SH3BGRL: variants seen among roughly 807,000 people sequenced by gnomAD.
SH3BGRL encodes adapter SH3BGRL.
SH3BGRL carries 7 observed loss-of-function variants against 9.8 expected under a neutral mutation model. The observed-to-expected ratio is 0.72, with a 90% CI of 0.41 to 1.35. The LOEUF is 1.35. Ranked by LOEUF, SH3BGRL falls within the 40% of genes most tolerant of loss-of-function variation. The pLI is 0.01. For synonymous variants in SH3BGRL, 36 were observed against 29.1 expected (o/e 1.24, Z -0.76); for missense variants, 73 against 84.4 (o/e 0.86, Z 0.53).
intron 1 of SH3BGRL, among the ~76,000 whole-genome samples, chrX:81,242,890 A>T (rs905751146): frequency 3.6e-5 from 4 of 111,863 alleles, no homozygotes; most frequent in Non-Finnish European, 7.5e-5. Flanking sequence ...GCAATAGAAA[A>T]TTCTGGTGAG....
intron 1 of SH3BGRL, among the ~76,000 whole-genome samples, chrX:81,208,464 T>C (rs918083234): frequency 8.9e-6 from 1 of 112,182 alleles, no homozygotes; most frequent in African/African-American, 3.2e-5. Flanking sequence ...ATGAAATATA[T>C]ATTGTGCAAT....
Position 81,210,431 on chromosome X carries a change from A to T in SH3BGRL, c.45+8186A>T, listed in dbSNP as rs190955519. Among the ~76,000 whole-genome samples, 170 of 111,847 alleles carry T rather than the reference A, an allele frequency of 1.5e-3. 2 individuals are homozygous for T. Among genetic ancestry groups the T allele is most frequent in the African/African-American group, 5.5e-3 (168 of 30,802 alleles). ...TAATTTATTAAACATATGATCAATC[A>T]TCTTACTTTAATTTCTCATGCAAAT... On this transcript the variant is annotated intron_variant, in intron 1 of 3. Transcript: ENST00000373212.
At chrX:81,211,410 C>T (rs5959846) in intron 1 of SH3BGRL, among the ~76,000 whole-genome samples, 7,693 of 110,616 alleles carry the variant, frequency 0.07, 643 homozygotes, top group African/African-American at 0.23. Context: ...AGGGTGAAAC[C>T]CCGTCTCTAC....
intron 3 of SH3BGRL, among the ~76,000 whole-genome samples, chrX:81,292,242 A>G (rs1473528600): frequency 2.7e-5 from 3 of 111,836 alleles, no homozygotes; most frequent in African/African-American, 9.7e-5. Flanking sequence ...ATCCTCTGAA[A>G]TCTAGGCCGT....
In SH3BGRL at chrX:81,274,798, C is replaced by T. The variant is rs745713956; in HGVS notation, c.46-2186C>T. 2.7e-5 allele frequency among the ~76,000 whole-genome samples: 3 copies of T among 110,516 alleles called. No individual in the cohort carries two copies. In the South Asian group the frequency reaches 1.1e-3, roughly 42 times the overall value. On this transcript the variant is annotated intron_variant, in intron 1 of 3. Coordinates refer to ENST00000373212, the MANE Select transcript of SH3BGRL (RefSeq NM_003022.3). The stretch of plus-strand genomic sequence containing the variant: ...GAAATTTTGGACTTGAAAATTTGAT[C>T]AAGTTAGGAAACATTTTTTTTTAAC...
chrX:81,243,852 G>A (rs2075679765), intron 1 of SH3BGRL, among the ~76,000 whole-genome samples: 1 of 111,302 alleles, frequency 9.0e-6, no homozygotes, highest in Admixed American at 9.6e-5. Flanking sequence ...AGGAAACTGA[G>A]GCCTTGAGGA....
intron 1 of SH3BGRL, among the ~76,000 whole-genome samples, chrX:81,245,999 T>C (rs1450009111): frequency 1.8e-5 from 2 of 112,030 alleles, no homozygotes; most frequent in East Asian, 2.8e-4. Flanking sequence ...TTGTTAATAG[T>C]AGCCATTCTG....
chrX:81,287,956 G>GGAAA (rs368182440), intron 3 of SH3BGRL, among the ~76,000 whole-genome samples: 3,152 of 86,701 alleles, frequency 0.036, 115 homozygotes, highest in Admixed American at 0.17. Context: ...AAGGAAGGAA[G>GGAAA]GAAAGAAAGA....
rs2075879388 is a variant in SH3BGRL, at chrX:81,297,531, T to TTCTTCTG, written c.*304_*305insTCTTCTG. The TTCTTCTG allele has an allele frequency of 6.2e-6, 1 of 161,454 alleles. No individual in the cohort carries two copies. Among genetic ancestry groups the TTCTTCTG allele is most frequent in the African/African-American group, 3.1e-5 (1 of 32,589 alleles). The allele number at this position is 161,454 out of a possible 1,213,427, so 13.3% of individuals were successfully genotyped here. A position where few individuals can be genotyped will look rare whatever the true frequency, so the allele number is the denominator to read the frequency against. ...ATTTTACAAAGAAAACACCCTTCCC[T>TTCTTCTG]CCTTCTGCCATTACTATGGCAACTT... On this transcript the variant is annotated 3_prime_UTR_variant, in exon 4 of 4. Transcript: ENST00000373212.
intron 1 of SH3BGRL, among the ~76,000 whole-genome samples, chrX:81,252,556 T>C (rs1243748816): frequency 8.9e-6 from 1 of 111,898 alleles, no homozygotes; most frequent in Non-Finnish European, 1.9e-5. Flanking sequence ...CTGGGCCGCA[T>C]TGGAAAAAAA....
intron 1 of SH3BGRL, among the ~76,000 whole-genome samples, chrX:81,211,621 G>C (rs1281750192): frequency 9.0e-6 from 1 of 111,134 alleles, no homozygotes; most frequent in Non-Finnish European, 1.9e-5. Context: ...GGGGAAGGCA[G>C]ATCCACCCTA....
intron 1 of SH3BGRL, among the ~76,000 whole-genome samples, chrX:81,230,687 G>A (rs1449865775): frequency 9.0e-6 from 1 of 111,725 alleles, no homozygotes; most frequent in Middle Eastern, 4.2e-3. Flanking sequence ...AAAGCCAGTG[G>A]TAAACTTTAT....
intron 3 of SH3BGRL, among the ~76,000 whole-genome samples, chrX:81,284,681 T>C (rs1039144156): frequency 5.4e-5 from 6 of 110,995 alleles, no homozygotes; most frequent in African/African-American, 2.0e-4. Context: ...TTTGAAAGTA[T>C]AAGGCAGGAG....
At chrX:81,246,990 A>G (rs1602609529) in intron 1 of SH3BGRL, among the ~76,000 whole-genome samples, 1 of 111,600 alleles carries the variant, frequency 9.0e-6, no homozygotes, top group Non-Finnish European at 1.9e-5. Context: ...TTCTTTTGGA[A>G]CTGTTTTGTA....
intron 1 of SH3BGRL, among the ~76,000 whole-genome samples, chrX:81,270,940 C>G (rs1411648669): frequency 8.9e-6 from 1 of 111,792 alleles, no homozygotes; most frequent in Admixed American, 9.4e-5. Flanking sequence ...ACTGCCTACT[C>G]AATCCTCAGC....
At chrX:81,248,983 G>A (rs2075700158) in intron 1 of SH3BGRL, among the ~76,000 whole-genome samples, 1 of 111,771 alleles carries the variant, frequency 8.9e-6, no homozygotes, top group Non-Finnish European at 1.9e-5. Context: ...CAAGGATCTG[G>A]GATGTCCCTC....
intron 1 of SH3BGRL, among the ~76,000 whole-genome samples, chrX:81,212,209 A>G (rs968128106): frequency 9.1e-6 from 1 of 110,417 alleles, no homozygotes; most frequent in Non-Finnish European, 1.9e-5. Context: ...AGCTTGGGGA[A>G]CAAAGTGAGA....
intron 1 of SH3BGRL, among the ~76,000 whole-genome samples, chrX:81,261,830 C>T (rs1340539574): frequency 9.0e-6 from 1 of 111,207 alleles, no homozygotes; most frequent in Non-Finnish European, 1.9e-5. Flanking sequence ...GTACATTCCA[C>T]AGGCGTTAGT....
intron 1 of SH3BGRL, among the ~76,000 whole-genome samples, chrX:81,265,271 C>T (rs2075753235): frequency 9.6e-6 from 1 of 104,480 alleles, no homozygotes; most frequent in Admixed American, 1.0e-4. Flanking sequence ...AGTGTTGTTA[C>T]AGTTAGGTAT....
Sources: gnomAD v4.1 joint callset for allele counts (sites outside exome capture counted in the v4.1 genomes callset) on GRCh38, gnomAD v4.1.1 for gene constraint, MANE v1.5 for transcripts, NCBI Gene and HGNC (gene_info 2026-07-23, HGNC 2026-07-21) for gene names.